Variants in NEDD8 observed in about 807,000 individuals in gnomAD.
NEDD8 encodes the protein NEDD8 ubiquitin like modifier, also known as ubiquitin-like protein NEDD8.
NEDD8 carries 1 observed loss-of-function variant against 13.8 expected under a neutral mutation model. The ratio of observed to expected loss-of-function variants is 0.07; its 90% CI spans 0.03 to 0.34. The LOEUF (loss-of-function observed/expected upper bound fraction) is 0.34, where lower values mean the gene tolerates loss of function less well. NEDD8 is among the 10% of genes least tolerant of loss of function. NEDD8 has a pLI of 0.99. For missense variants in NEDD8, 10 were observed against 95.2 expected (o/e 0.10, Z 3.73); for synonymous variants, 31 against 33.2 (o/e 0.93, Z 0.23).
At chr14:24,223,579 T>C (rs1273761072) in intron 1 of NEDD8, among the ~76,000 whole-genome samples, 1 of 152,026 alleles carries the variant, frequency 6.6e-6, no homozygotes, top group Non-Finnish European at 1.5e-5. Context: ...GATGGAGTCT[T>C]GCTCTGTGTC....
chr14:24,223,483 C>A (rs2039840881), intron 1 of NEDD8, among the ~76,000 whole-genome samples: 1 of 152,112 alleles, frequency 6.6e-6, no homozygotes, highest in Admixed American at 6.6e-5. Context: ...TCATAATTTA[C>A]AATAGAAAAA....
chr14:24,217,278 TTG>T (rs1160076702), intron 3 of NEDD8, 55 bp from the exon 4 acceptor site: 158 of 1,040,744 alleles, frequency 1.5e-4, no homozygotes, highest in African/African-American at 1.1e-3. Flanking sequence ...GAGTTTTTTG[TTG>T]TTGTTGTTGT....
In NEDD8 at chr14:24,223,382, G is replaced by A. The variant is rs113249792; in HGVS notation, c.19-4951C>T. On this transcript the variant is annotated intron_variant, in intron 1 of 3. Transcript: ENST00000250495. ...CCACTGCACTCCAGCTTGGGTGACA[G>A]AGGGAGACCCTATCTCCAAAAAAAA... is the stretch of plus-strand genomic sequence containing the variant. Among the ~76,000 whole-genome samples, 799 of 152,216 alleles carry A rather than the reference G, an allele frequency of 5.2e-3. 12 individuals are homozygous for A. The highest frequency in any genetic ancestry group is 0.018 in the African/African-American group (740 of 41,524).
intron 3 of NEDD8, 160 bp downstream of exon 3, chr14:24,217,973 A>C (rs2039737937): frequency 1.4e-6 from 1 of 702,036 alleles, no homozygotes; most frequent in Admixed American, 3.2e-5. Flanking sequence ...TGCCTGAAAA[A>C]ATCTTATTCT....
chr14:24,219,648 C>T (rs28604959), intron 1 of NEDD8, among the ~76,000 whole-genome samples: 2,590 of 152,198 alleles, frequency 0.017, 69 homozygotes, highest in African/African-American at 0.056. Flanking sequence ...AATAATTATA[C>T]TGATTATGCA....
At chr14:24,223,540 T>C (rs1170686354) in intron 1 of NEDD8, among the ~76,000 whole-genome samples, 1 of 152,080 alleles carries the variant, frequency 6.6e-6, no homozygotes, top group East Asian at 1.9e-4. Context: ...AAAAGTTTTT[T>C]ATATTTATTT....
chr14:24,223,617 T>C lies in NEDD8; in HGVS notation c.19-5186A>G, dbSNP rs906630200. On this transcript the variant is annotated intron_variant, in intron 1 of 3. Transcript: ENST00000250495. ...AGCCTGGAACACAGTGGAGTAATCA[T>C]GGCTCACTGCAGCCTCCAACTCCTG... 4.6e-5 allele frequency among the ~76,000 whole-genome samples: 7 copies of C among 152,058 alleles called. No individual in the cohort carries two copies. The East Asian group carries it at 5.8e-4, about 13-fold the overall frequency.
At chr14:24,218,521 A>C (rs768259406) in intron 1 of NEDD8, 90 bp from the exon 2 acceptor site, 1 of 1,574,968 alleles carries the variant, frequency 6.3e-7, no homozygotes. Context: ...TTTGGGATCT[A>C]CTGCCTTCTA....
chr14:24,228,083 A>G (rs10131288), intron 1 of NEDD8: 18,865 of 146,636 alleles, frequency 0.13, 3,462 homozygotes, highest in African/African-American at 0.42. Flanking sequence ...GTGACAGAGT[A>G]AGAATGTCTC....
intron 3 of NEDD8, 117 bp from the exon 4 acceptor site, chr14:24,217,340 A>G: frequency 1.2e-6 from 1 of 804,770 alleles, no homozygotes; most frequent in Non-Finnish European, 2.0e-6. Context: ...TCTAGGCTGG[A>G]GTACAGTGGC....
chr14:24,231,104 T>C (rs867610586), intron 1 of NEDD8, among the ~76,000 whole-genome samples: 8 of 152,030 alleles, frequency 5.3e-5, no homozygotes, highest in African/African-American at 1.9e-4. Flanking sequence ...TTGCCCAGGA[T>C]GGTCTCCAAC....
chr14:24,228,908 G>C (rs549216366), intron 1 of NEDD8, among the ~76,000 whole-genome samples: 7 of 151,842 alleles, frequency 4.6e-5, no homozygotes, highest in Non-Finnish European at 8.8e-5. Flanking sequence ...GGGCGAGAGG[G>C]GGAGATAGAG....
chr14:24,218,730 A>G (rs2039750298), intron 1 of NEDD8: 2 of 470,148 alleles, frequency 4.3e-6, no homozygotes, highest in Non-Finnish European at 7.6e-6. Flanking sequence ...ATTTTAGATG[A>G]TACGGCAATG....
intron 3 of NEDD8, chr14:24,217,897 G>A: frequency 2.3e-6 from 1 of 440,386 alleles, no homozygotes; most frequent in East Asian, 3.6e-5. Flanking sequence ...TCACAAATTT[G>A]TTTTAGTATT....
rs1390576587 is a variant in NEDD8, at chr14:24,232,332, C to T, written c.-65G>A. 16 of 1,609,066 alleles carry T rather than the reference C, an allele frequency of 9.9e-6. No homozygotes were observed. Among genetic ancestry groups the T allele is most frequent in the Non-Finnish European group, 1.3e-5 (15 of 1,178,174 alleles). ...CTCCTACCGCTCCGGTCGCCGCTGC[C>T]GCCCTCCAGCACTCTTGCCTGCAAG... On this transcript the variant is annotated 5_prime_UTR_variant, in exon 1 of 4. Coordinates refer to ENST00000250495, the MANE Select transcript of NEDD8 (RefSeq NM_006156.3).
chr14:24,223,259 T>G (rs530639288), intron 1 of NEDD8, among the ~76,000 whole-genome samples: 2 of 151,820 alleles, frequency 1.3e-5, no homozygotes, highest in Non-Finnish European at 2.9e-5. Flanking sequence ...TAGCCAGGCA[T>G]AGTGGCACAG....
intron 1 of NEDD8, among the ~76,000 whole-genome samples, chr14:24,222,376 C>T (rs567518210): frequency 6.6e-6 from 1 of 152,242 alleles, no homozygotes; most frequent in East Asian, 1.9e-4. Flanking sequence ...ACAACACATG[C>T]ATCTATATGC....
intron 1 of NEDD8, among the ~76,000 whole-genome samples, chr14:24,223,131 G>A (rs967667177): frequency 2.7e-5 from 4 of 150,234 alleles, no homozygotes; most frequent in African/African-American, 9.8e-5. Flanking sequence ...GCTGGGCATG[G>A]TAGCATATGC....
Position 24,216,890 on chromosome 14 carries a change from C to A in NEDD8, c.*237G>T. ...GGCCAGGAAATATTTTATTGACAAC[C>A]AGGGACACAGTCATAAGAGAGGGAA... On this transcript the variant is annotated 3_prime_UTR_variant, in exon 4 of 4. Transcript: ENST00000250495. The A allele has an allele frequency of 2.1e-6, 1 of 466,738 alleles. No individual in the cohort carries two copies. The highest frequency in any genetic ancestry group is 4.2e-5 in the South Asian group (1 of 23,880). The allele number at this position is 466,738 out of a possible 1,614,324, so 28.9% of individuals were successfully genotyped here. A position where few individuals can be genotyped will look rare whatever the true frequency, so the allele number is the denominator to read the frequency against.
Sources: gnomAD v4.1 joint callset for allele counts (sites outside exome capture counted in the v4.1 genomes callset) on GRCh38, gnomAD v4.1.1 for gene constraint, MANE v1.5 for transcripts, NCBI Gene and HGNC (gene_info 2026-07-23, HGNC 2026-07-21) for gene names.